The following IGSF21 variants were observed in gnomAD, a reference collection of about 807,000 sequenced individuals.
IGSF21 encodes immunoglobin superfamily member 21, also known as immunoglobulin superfamily member 21.
In IGSF21, 28 loss-of-function variants were observed where a neutral mutation model predicts 46.8. That is an observed-to-expected ratio of 0.60 (90% CI 0.44 to 0.82). IGSF21 has a LOEUF of 0.82. IGSF21 is among the 40% of genes least tolerant of loss of function. IGSF21 has a pLI of 0.00. For missense variants in IGSF21, 624 were observed against 665.5 expected (o/e 0.94, Z 0.69); for synonymous variants, 284 against 273.6 (o/e 1.04, Z -0.38).
At chr1:18,239,756 C>G (rs1315146750) in intron 2 of IGSF21, among the ~76,000 whole-genome samples, 2 of 152,148 alleles carry the variant, frequency 1.3e-5, no homozygotes, top group African/African-American at 4.8e-5. Flanking sequence ...AGTGTTGCCC[C>G]CCCTCCCCGC....
chr1:18,375,021 A>T (rs1359708285), intron 6 of IGSF21, among the ~76,000 whole-genome samples: 1 of 152,038 alleles, frequency 6.6e-6, no homozygotes, highest in African/African-American at 2.4e-5. Flanking sequence ...TGCCTGGAAT[A>T]TGCCTCGTGA....
At chr1:18,359,374 GAAAGA>G (rs1557659572) in intron 4 of IGSF21, among the ~76,000 whole-genome samples, 6 of 102,516 alleles carry the variant, frequency 5.9e-5, no homozygotes, top group African/African-American at 2.0e-4. Flanking sequence ...AAGAAAGAAA[GAAAGA>G]AAGAAAGGAA....
At chr1:18,148,235 G>A (rs559899481) in intron 1 of IGSF21, among the ~76,000 whole-genome samples, 2 of 146,636 alleles carry the variant, frequency 1.4e-5, no homozygotes, top group Admixed American at 7.1e-5. Context: ...GGTTCACGCC[G>A]TTGTCCTGCC....
intron 2 of IGSF21, among the ~76,000 whole-genome samples, chr1:18,270,971 A>G (rs1322862328): frequency 6.6e-6 from 1 of 152,164 alleles, no homozygotes; most frequent in Non-Finnish European, 1.5e-5. Flanking sequence ...TTCAGGCTTC[A>G]CTTAGTGGGC....
rs112523304 is a variant in IGSF21, at chr1:18,378,349, A to G, written c.*23A>G. ...TGAAGGCACCCGCCCCGGCCACTCCATCAGGCACTGACATCTCCACGACCG... is the reference window on the plus strand; with the variant it reads ...TGAAGGCACCCGCCCCGGCCACTCCGTCAGGCACTGACATCTCCACGACCG... On this transcript the variant is annotated 3_prime_UTR_variant, in exon 10 of 10. Coordinates refer to ENST00000251296, the MANE Select transcript of IGSF21 (RefSeq NM_032880.5). The G allele has an allele frequency of 3.1e-3, 4,892 of 1,602,142 alleles. 118 individuals carry two copies. The African/African-American group carries it at 0.054, about 18-fold the overall frequency.
intron 2 of IGSF21, among the ~76,000 whole-genome samples, chr1:18,288,100 A>T (rs1040709054): frequency 1.3e-5 from 2 of 152,186 alleles, no homozygotes; most frequent in Non-Finnish European, 2.9e-5. Flanking sequence ...CATTTCACAG[A>T]TGAGGAAACT....
intron 2 of IGSF21, among the ~76,000 whole-genome samples, chr1:18,274,313 T>G (rs1232585053): frequency 6.6e-6 from 1 of 152,150 alleles, no homozygotes. Flanking sequence ...GCTCAAGAAG[T>G]AAGTATGTAC....
chr1:18,159,113 C>G (rs1319810092), intron 1 of IGSF21, among the ~76,000 whole-genome samples: 1 of 152,180 alleles, frequency 6.6e-6, no homozygotes, highest in African/African-American at 2.4e-5. Context: ...GTCACTGTAC[C>G]CATTAGACTA....
intron 1 of IGSF21, among the ~76,000 whole-genome samples, chr1:18,219,403 A>G (rs1461552469): frequency 2.0e-5 from 3 of 152,158 alleles, no homozygotes; most frequent in Non-Finnish European, 4.4e-5. Flanking sequence ...AGAGAAACTG[A>G]ATGAATTCAG....
intron 1 of IGSF21, among the ~76,000 whole-genome samples, chr1:18,153,616 C>T (rs531313087): frequency 6.6e-6 from 1 of 152,254 alleles, no homozygotes; most frequent in South Asian, 2.1e-4. Flanking sequence ...TTCATCCTCA[C>T]CATCCTATGG....
chr1:18,153,624 T>C (rs1374482175), intron 1 of IGSF21, among the ~76,000 whole-genome samples: 2 of 151,888 alleles, frequency 1.3e-5, no homozygotes, highest in East Asian at 1.9e-4. Flanking sequence ...CACCATCCTA[T>C]GGACTTGGTG....
At chr1:18,121,524 CTTTGCTGAAAT>C (rs1471152166) in intron 1 of IGSF21, among the ~76,000 whole-genome samples, 1 of 152,164 alleles carries the variant, frequency 6.6e-6, no homozygotes, top group African/African-American at 2.4e-5. Context: ...CCATTTGGTG[CTTTGCTGAAAT>C]TGCCGTGACA....
chr1:18,272,690 C>A (rs1430142029), intron 2 of IGSF21, among the ~76,000 whole-genome samples: 2 of 152,236 alleles, frequency 1.3e-5, no homozygotes, highest in African/African-American at 2.4e-5. Context: ...TGTGTCCCCT[C>A]GGCTCTTGCC....
chr1:18,216,245 T>C (rs965730219), intron 1 of IGSF21, among the ~76,000 whole-genome samples: 18 of 151,714 alleles, frequency 1.2e-4, no homozygotes, highest in African/African-American at 4.1e-4. Flanking sequence ...GGAAAAATAA[T>C]TGGAGGGGTT....
At chr1:18,201,058 G>A (rs2087068890) in intron 1 of IGSF21, among the ~76,000 whole-genome samples, 1 of 152,186 alleles carries the variant, frequency 6.6e-6, no homozygotes, top group Admixed American at 6.5e-5. Flanking sequence ...AAGTGGAAGT[G>A]AAAATAGGAA....
chr1:18,310,010 C>G (rs536142061), intron 3 of IGSF21, among the ~76,000 whole-genome samples: 1 of 152,262 alleles, frequency 6.6e-6, no homozygotes, highest in Admixed American at 6.5e-5. Flanking sequence ...GGGCTCTGGA[C>G]TTGTCATAAG....
intron 2 of IGSF21, among the ~76,000 whole-genome samples, chr1:18,261,160 C>T (rs974155023): frequency 2.6e-5 from 4 of 152,236 alleles, no homozygotes; most frequent in Admixed American, 1.3e-4. Flanking sequence ...GCATCTCTGG[C>T]TGCACCTGCT....
Position 18,205,145 on chromosome 1 carries a change from G to A in IGSF21, c.71-22753G>A, listed in dbSNP as rs913915164. 5.4e-4 allele frequency among the ~76,000 whole-genome samples: 57 copies of A among 104,882 alleles called. 1 individual carries two copies. The highest frequency in any genetic ancestry group is 1.5e-3 in the African/African-American group (50 of 32,640). 68.8% of individuals were successfully genotyped at this position (104,882 alleles called of 152,430 possible). On this transcript the variant is annotated intron_variant, in intron 1 of 9. Transcript: ENST00000251296. ...AGAGAAGAAAGATAAGAAGGGGAGA[G>A]AGAGAGAGAGAGAGAAAGAGAGAGG...
At chr1:18,220,422 G>C (rs1455700336) in intron 1 of IGSF21, among the ~76,000 whole-genome samples, 2 of 152,094 alleles carry the variant, frequency 1.3e-5, no homozygotes, top group African/African-American at 4.8e-5. Flanking sequence ...GGCTGCTTAG[G>C]GAAAAGCCCA....
Sources: allele counts gnomAD v4.1 joint callset (sites outside exome capture counted in the v4.1 genomes callset), GRCh38; gene constraint gnomAD v4.1.1; transcripts MANE v1.5; gene names NCBI Gene and HGNC (gene_info 2026-07-23, HGNC 2026-07-21).